The following FNIP2 variants were observed in gnomAD, a reference collection of about 807,000 sequenced individuals.
FNIP2 encodes the protein folliculin-interacting protein 2.
A neutral mutation model predicts 108.7 loss-of-function variants in FNIP2; 32 were observed. The ratio of observed to expected loss-of-function variants is 0.29; its 90% confidence interval spans 0.22 to 0.40. The LOEUF (loss-of-function observed/expected upper bound fraction) is 0.40, where lower values mean the gene tolerates loss of function less well. Ranked by LOEUF, FNIP2 falls within the 10% of genes least tolerant of loss-of-function variation. FNIP2 has a pLI of 1.00. For synonymous variants in FNIP2, 480 were observed against 496.7 expected (o/e 0.97, Z 0.45); for missense variants, 1,202 against 1,381.6 (o/e 0.87, Z 2.06).
At chr4:158,831,797 A>G (rs747484126) in intron 3 of FNIP2, 64 bp from the exon 4 acceptor site, 5 of 1,025,274 alleles carry the variant, frequency 4.9e-6, no homozygotes, top group Non-Finnish European at 7.5e-6. Context: ...AATAAACATT[A>G]TTTTCTGTTG....
intron 7 of FNIP2, among the ~76,000 whole-genome samples, chr4:158,843,426 C>T (rs1779231993): frequency 6.6e-6 from 1 of 152,190 alleles, no homozygotes; most frequent in Non-Finnish European, 1.5e-5. Flanking sequence ...TTCTTGAGCA[C>T]CTCATGTGGC....
chr4:158,852,663 T>C (rs1779766694), intron 8 of FNIP2, among the ~76,000 whole-genome samples: 1 of 152,156 alleles, frequency 6.6e-6, no homozygotes, highest in African/African-American at 2.4e-5. Context: ...GGCAATAAAA[T>C]GTGGCCAATG....
At chr4:158,892,780 C>A (rs1387783812) in intron 15 of FNIP2, among the ~76,000 whole-genome samples, 1 of 152,118 alleles carries the variant, frequency 6.6e-6, no homozygotes, top group Non-Finnish European at 1.5e-5. Flanking sequence ...CAGCCCCAAA[C>A]CAAAACATCT....
rs56389652 is a variant in FNIP2 at position 158,875,515 on chromosome 4, GATATATAT to G, written c.2949+5065_2949+5072del. ...AGAGCTTTGCTAAAAGCCTGGCTGT[GATATATAT>G]ATATATATATATATATATGCTCATG... is the stretch of plus-strand genomic sequence containing the variant. On this transcript the variant is annotated intron_variant, in intron 14 of 16. Coordinates refer to ENST00000264433, the MANE Select transcript of FNIP2 (RefSeq NM_020840.3). Among the ~76,000 whole-genome samples, 312 of 111,950 alleles carry G rather than the reference GATATATAT, an allele frequency of 2.8e-3. 24 individuals carry two copies. Among genetic ancestry groups the G allele is most frequent in the African/African-American group, 0.012 (236 of 19,600 alleles). The allele number at this position is 111,950 out of a possible 152,430, so 73.4% of individuals were successfully genotyped here. A position where few individuals can be genotyped will look rare whatever the true frequency, so the allele number is the denominator to read the frequency against.
intron 1 of FNIP2, among the ~76,000 whole-genome samples, chr4:158,798,934 A>G (rs2126470430): frequency 6.6e-6 from 1 of 152,220 alleles, no homozygotes; most frequent in East Asian, 1.9e-4. Context: ...AATGTTATAA[A>G]TGTTAAAAAT....
chr4:158,876,773 A>G (rs150738337), intron 14 of FNIP2, among the ~76,000 whole-genome samples: 50 of 152,304 alleles, frequency 3.3e-4, no homozygotes, highest in Middle Eastern at 3.4e-3. Context: ...ATGTGTGTCT[A>G]TTACTTTAGT....
Position 158,869,109 on chromosome 4 carries a change from G to A in FNIP2, c.2473G>A (p.Gly825Ser), listed in dbSNP as rs199647293. The A allele has an allele frequency of 5.3e-5, 85 of 1,613,990 alleles. No homozygotes were observed. The highest frequency in any genetic ancestry group is 4.5e-4 in the African/African-American group (34 of 75,038). ...HAADLGTASHGAGGTGGRRLE... is the reference protein window; with the variant it reads ...HAADLGTASHSAGGTGGRRLE... ...TGCTGACTTGGGCACAGCCTCCCAC[G>A]GTGCAGGAGGAACGGGAGGGAGGAG... is the stretch of plus-strand genomic sequence containing the variant. Residue 825 changes from glycine (G) to serine (S), a missense_variant, in exon 13 of 17, where the codon GGT becomes AGT. By Grantham distance (56) the Gly-to-Ser change is moderately conservative (BLOSUM62 0). This residue lies in a region of FNIP2 where 878 missense variants were observed against 990.3 expected (regional missense o/e 0.89). Transcript: ENST00000264433.
At chr4:158,776,506 A>AC (rs1775865314) in intron 1 of FNIP2, among the ~76,000 whole-genome samples, 1 of 152,236 alleles carries the variant, frequency 6.6e-6, no homozygotes, top group Admixed American at 6.5e-5. Context: ...CTTTGGGGTT[A>AC]TGGGGGGAAA....
chr4:158,871,021 G>A (rs911917231), intron 14 of FNIP2, among the ~76,000 whole-genome samples: 1 of 152,268 alleles, frequency 6.6e-6, no homozygotes, highest in African/African-American at 2.4e-5. Context: ...TCACGGTGAG[G>A]ACCGAAGAGG....
intron 14 of FNIP2, among the ~76,000 whole-genome samples, chr4:158,888,142 T>C (rs1349268818): frequency 1.3e-5 from 2 of 152,270 alleles, no homozygotes; most frequent in East Asian, 3.8e-4. Flanking sequence ...AGTTTGTTCT[T>C]CCTTTAAAAG....
At chr4:158,845,081 T>A (rs74722106) in intron 7 of FNIP2, among the ~76,000 whole-genome samples, 351 of 152,356 alleles carry the variant, frequency 2.3e-3, no homozygotes, top group African/African-American at 7.6e-3. Flanking sequence ...TTCTTCTTAA[T>A]GCACAAAACT....
intron 1 of FNIP2, chr4:158,796,153 G>T (rs1379319283): frequency 6.6e-6 from 1 of 152,116 alleles, no homozygotes; most frequent in East Asian, 1.9e-4. Flanking sequence ...ATATTGAAAC[G>T]TTTTCGGAAA....
intron 1 of FNIP2, among the ~76,000 whole-genome samples, chr4:158,771,321 A>G (rs1240089332): frequency 1.3e-5 from 2 of 152,216 alleles, no homozygotes; most frequent in African/African-American, 4.8e-5. Context: ...TGCTCACCAG[A>G]CTGACAAAGG....
intron 13 of FNIP2, 151 bp from the exon 14 acceptor site, chr4:158,870,162 C>A: frequency 1.4e-6 from 1 of 728,296 alleles, no homozygotes; most frequent in East Asian, 2.7e-5. Flanking sequence ...CCTTTTCTCC[C>A]ACCTGTGATC....
intron 16 of FNIP2, among the ~76,000 whole-genome samples, chr4:158,903,234 T>C (rs1325123038): frequency 6.6e-6 from 1 of 151,992 alleles, no homozygotes; most frequent in Non-Finnish European, 1.5e-5. Flanking sequence ...GGGGAAACAA[T>C]TCCCTGAACC....
chr4:158,801,659 C>T (rs1383923943), intron 1 of FNIP2, among the ~76,000 whole-genome samples: 1 of 152,218 alleles, frequency 6.6e-6, no homozygotes, highest in Non-Finnish European at 1.5e-5. Context: ...AAATGAAACA[C>T]ATAGAACGAT....
At chr4:158,770,117 T>C (rs896328522) in intron 1 of FNIP2, among the ~76,000 whole-genome samples, 7 of 152,184 alleles carry the variant, frequency 4.6e-5, no homozygotes, top group African/African-American at 1.7e-4. Context: ...CACAGATAAC[T>C]TAGGCGGCTT....
chr4:158,856,162 A>C (rs1779972122), intron 8 of FNIP2, among the ~76,000 whole-genome samples: 1 of 152,172 alleles, frequency 6.6e-6, no homozygotes, highest in African/African-American at 2.4e-5. Flanking sequence ...TTGAAACCCT[A>C]AAGAGCAAGG....
Position 158,769,162 on chromosome 4 carries a change from C to G in FNIP2, c.-51C>G. On this transcript the variant is annotated 5_prime_UTR_variant, in exon 1 of 17. Coordinates refer to ENST00000264433, the MANE Select transcript of FNIP2 (RefSeq NM_020840.3). ...CGCGGCCGCCGCCCCCGGCTGCGCG[C>G]TGAGCCGCCGGCCCCCCGAGCGCCA... 2.0e-6 allele frequency: 2 copies of G among 1,009,842 alleles called. No homozygotes were observed. Among genetic ancestry groups the G allele is most frequent in the Non-Finnish European group, 2.4e-6 (2 of 817,150 alleles). 62.6% of individuals were successfully genotyped at this position (1,009,842 alleles called of 1,614,324 possible). A position where few individuals can be genotyped will look rare whatever the true frequency, so the allele number is the denominator to read the frequency against.
Sources: gnomAD v4.1 joint callset for allele counts (sites outside exome capture counted in the v4.1 genomes callset) on GRCh38, gnomAD v4.1.1 for gene constraint, gnomAD v4.1.1 regional missense constraint, MANE v1.5 for transcripts, NCBI Gene and HGNC (gene_info 2026-07-23, HGNC 2026-07-21) for gene names.